The following CALN1 variants were observed in gnomAD, a reference collection of about 807,000 sequenced individuals.
The protein encoded by CALN1 is calneuron 1, also known as calcium-binding protein 8.
A neutral mutation model predicts 30.6 loss-of-function variants in CALN1; 17 were observed. That is an observed-to-expected ratio of 0.56 (90% CI 0.38 to 0.83). The LOEUF is 0.83. CALN1 is among the 40% of genes least tolerant of loss of function. The pLI, the probability that CALN1 is intolerant of heterozygous loss-of-function variation, is 0.00. For synonymous variants in CALN1, 156 were observed against 131.4 expected, an observed-to-expected ratio of 1.19 and a Z score of -1.28; for missense variants, 291 against 354.9, an observed-to-expected ratio of 0.82 and a Z score of 1.45.
chr7:72,196,422 A>G (rs1364459367), intron 3 of CALN1, among the ~76,000 whole-genome samples: 2 of 152,176 alleles, frequency 1.3e-5, no homozygotes, highest in African/African-American at 4.8e-5. Context: ...CCTGGCCTTC[A>G]GTTTCTTTAT....
intron 5 of CALN1, among the ~76,000 whole-genome samples, chr7:71,910,001 AAGGCAGC>A (rs1794342283): frequency 1.3e-5 from 2 of 152,244 alleles, no homozygotes; most frequent in East Asian, 3.8e-4. Context: ...CACATCTTAC[AAGGCAGC>A]AGGCAAGAGA....
chr7:72,138,961 C>T (rs550133080), intron 3 of CALN1, among the ~76,000 whole-genome samples: 28 of 152,318 alleles, frequency 1.8e-4, no homozygotes, highest in African/African-American at 6.3e-4. Context: ...CGAACGCATT[C>T]GAAAGCTTGC....
intron 3 of CALN1, among the ~76,000 whole-genome samples, chr7:72,219,294 T>C (rs1793089015): frequency 6.6e-6 from 1 of 152,206 alleles, no homozygotes; most frequent in African/African-American, 2.4e-5. Context: ...GGCATGATCA[T>C]ATCTCACTGT....
chr7:71,812,497 G>T (rs543063188), intron 5 of CALN1, among the ~76,000 whole-genome samples: 12 of 152,262 alleles, frequency 7.9e-5, no homozygotes, highest in African/African-American at 2.9e-4. Context: ...TCCGAGTCCA[G>T]TGGTTTTAGG....
At chr7:72,224,216 ATCT>A (rs1350998592) in intron 3 of CALN1, among the ~76,000 whole-genome samples, 4 of 152,212 alleles carry the variant, frequency 2.6e-5, no homozygotes, top group Non-Finnish European at 5.9e-5. Flanking sequence ...AAAAAATAAA[ATCT>A]TCTAGGAGAA....
At chr7:72,071,072 A>C (rs1053647208) in intron 4 of CALN1, among the ~76,000 whole-genome samples, 1 of 152,220 alleles carries the variant, frequency 6.6e-6, no homozygotes, top group African/African-American at 2.4e-5. Flanking sequence ...AAGGCTTGCA[A>C]CTTCCAGGGA....
At chr7:72,059,199 C>T (rs1312717071) in intron 4 of CALN1, among the ~76,000 whole-genome samples, 1 of 152,154 alleles carries the variant, frequency 6.6e-6, no homozygotes, top group East Asian at 1.9e-4. Context: ...CTATGGTCTT[C>T]AAAATCTGTC....
rs191926488 is a variant in CALN1 at position 72,349,505 on chromosome 7, A to G, written c.119+53746T>C. ...AAAACCAATGATAGAGAAAAATCTTAAAGTATCCAGAAGAAAAAAAACATT... is the reference window on the plus strand; with the variant it reads ...AAAACCAATGATAGAGAAAAATCTTGAAGTATCCAGAAGAAAAAAAACATT... On this transcript the variant is annotated intron_variant, in intron 2 of 6. Transcript: ENST00000395275. Among the ~76,000 whole-genome samples the G allele has an allele frequency of 1.1e-4, 17 of 152,292 alleles. 1 individual carries two copies. Among genetic ancestry groups the G allele is most frequent in the Admixed American group, 4.6e-4 (7 of 15,284 alleles).
chr7:72,287,427 C>T (rs551737491), intron 2 of CALN1, among the ~76,000 whole-genome samples: 5 of 148,832 alleles, frequency 3.4e-5, no homozygotes, highest in African/African-American at 1.2e-4. Context: ...TACACATACA[C>T]CAAATTAATT....
At chr7:72,410,224 T>A (rs966851136) in intron 1 of CALN1, among the ~76,000 whole-genome samples, 2 of 152,052 alleles carry the variant, frequency 1.3e-5, no homozygotes, top group African/African-American at 4.8e-5. Context: ...GTAAGAGAGG[T>A]TGTCAAATCT....
chr7:72,047,486 G>A (rs1293562360), intron 4 of CALN1, among the ~76,000 whole-genome samples: 1 of 152,156 alleles, frequency 6.6e-6, no homozygotes, highest in Non-Finnish European at 1.5e-5. Context: ...CTACTTGGGA[G>A]GCTGAGGCAA....
At position 72,408,995 on chromosome 7, in the gene CALN1, G is replaced by C. The variant is rs563778255; in HGVS notation, c.-74+3063C>G. 4.0e-5 allele frequency among the ~76,000 whole-genome samples: 6 copies of C among 150,364 alleles called. No homozygotes were observed. In the East Asian group the frequency reaches 1.2e-3, roughly 30 times the overall value. ...ACCTGGCCCCAAGTATACTTTTTTTGGGGCAGGGGGGCAGCGGTGGAACAG... is the reference window on the plus strand; with the variant it reads ...ACCTGGCCCCAAGTATACTTTTTTTCGGGCAGGGGGGCAGCGGTGGAACAG... On this transcript the variant is annotated intron_variant, in intron 1 of 6. Transcript: ENST00000395275.
intron 5 of CALN1, among the ~76,000 whole-genome samples, chr7:71,925,164 C>T (rs1388834172): frequency 3.3e-5 from 5 of 152,036 alleles, no homozygotes; most frequent in African/African-American, 1.2e-4. Context: ...TCGCTTGAAC[C>T]TGGAAGGTGG....
intron 3 of CALN1, among the ~76,000 whole-genome samples, chr7:72,215,579 G>C (rs1199216364): frequency 7.2e-6 from 1 of 138,152 alleles, no homozygotes; most frequent in African/African-American, 2.8e-5. Flanking sequence ...GGTGACAAGA[G>C]CGAAACTCCT....
At chr7:72,256,726 C>A (rs1254151998) in intron 3 of CALN1, among the ~76,000 whole-genome samples, 1 of 152,120 alleles carries the variant, frequency 6.6e-6, no homozygotes, top group Non-Finnish European at 1.5e-5. Context: ...CCTGCCTCAG[C>A]CTTCCAAAGT....
chr7:71,872,913 C>T (rs1230111714), intron 5 of CALN1, among the ~76,000 whole-genome samples: 1 of 151,780 alleles, frequency 6.6e-6, no homozygotes, highest in African/African-American at 2.4e-5. Flanking sequence ...GGCGCCCGGC[C>T]GTGCTTTATT....
At chr7:71,846,547 T>C (rs575658610) in intron 5 of CALN1, among the ~76,000 whole-genome samples, 10 of 152,100 alleles carry the variant, frequency 6.6e-5, no homozygotes, top group African/African-American at 1.7e-4. Context: ...TGTGTGTGTA[T>C]AGATAGATAT....
intron 5 of CALN1, among the ~76,000 whole-genome samples, chr7:71,950,449 A>T (rs1356903459): frequency 6.6e-6 from 1 of 152,084 alleles, no homozygotes; most frequent in East Asian, 1.9e-4. Context: ...ATCATCTTTG[A>T]TTCTGTGTCT....
chr7:71,825,340 T>C (rs752735265), intron 5 of CALN1, among the ~76,000 whole-genome samples: 2 of 152,138 alleles, frequency 1.3e-5, no homozygotes, highest in East Asian at 1.9e-4. Flanking sequence ...ACTGTTCTCG[T>C]GGTAGTGAAT....
Sources: allele counts gnomAD v4.1 joint callset (sites outside exome capture counted in the v4.1 genomes callset), GRCh38; gene constraint gnomAD v4.1.1; transcripts MANE v1.5; gene names NCBI Gene and HGNC (gene_info 2026-07-23, HGNC 2026-07-21).